Variants in MDGA2 observed in about 807,000 individuals in gnomAD.
MDGA2 encodes the protein MAM domain-containing glycosylphosphatidylinositol anchor protein 2.
Under a neutral mutation model 117.8 loss-of-function variants are expected in MDGA2, and 40 were observed. That is an observed-to-expected ratio of 0.34 (90% CI 0.26 to 0.44). The LOEUF is 0.44. Ranked by LOEUF, MDGA2 falls within the 20% of genes least tolerant of loss-of-function variation. MDGA2 has a pLI of 1.00. For synonymous variants in MDGA2, 452 were observed against 439.0 expected, an observed-to-expected ratio of 1.03 and a Z score of -0.37; for missense variants, 1,123 against 1,250.6, an observed-to-expected ratio of 0.90 and a Z score of 1.54.
chr14:47,480,012 T>C (rs924074888), intron 1 of MDGA2, among the ~76,000 whole-genome samples: 1 of 152,106 alleles, frequency 6.6e-6, no homozygotes, highest in Non-Finnish European at 1.5e-5. Flanking sequence ...TCCTCCAGGT[T>C]CATCCCTTTC....
intron 1 of MDGA2, among the ~76,000 whole-genome samples, chr14:47,591,169 T>C (rs1031332165): frequency 1.4e-4 from 21 of 152,016 alleles, no homozygotes; most frequent in African/African-American, 5.1e-4. Context: ...TGCTCATCCT[T>C]ACGGCAAAAG....
At chr14:47,277,953 C>A (rs1159603851) in intron 2 of MDGA2, among the ~76,000 whole-genome samples, 1 of 151,662 alleles carries the variant, frequency 6.6e-6, no homozygotes, top group Admixed American at 6.6e-5. Context: ...GAAGAGGAAG[C>A]AAAAAACAGG....
intron 10 of MDGA2, among the ~76,000 whole-genome samples, chr14:46,918,979 G>A (rs578049945): frequency 6.6e-6 from 1 of 151,944 alleles, no homozygotes; most frequent in East Asian, 1.9e-4. Context: ...AGCCAGGATG[G>A]TCTCAATCTC....
chr14:47,395,715 CAT>C (rs1437071523), intron 1 of MDGA2, among the ~76,000 whole-genome samples: 2 of 151,938 alleles, frequency 1.3e-5, no homozygotes, highest in Non-Finnish European at 2.9e-5. Context: ...TCAGACAAAA[CAT>C]ATACATTTAG....
intron 1 of MDGA2, among the ~76,000 whole-genome samples, chr14:47,340,157 T>C (rs1054999916): frequency 5.3e-5 from 8 of 152,068 alleles, no homozygotes; most frequent in Non-Finnish European, 7.4e-5. Flanking sequence ...TTGATAGTCA[T>C]AATTTAGGGG....
At chr14:46,866,144 C>A (rs899240888) in intron 14 of MDGA2, among the ~76,000 whole-genome samples, 1 of 152,060 alleles carries the variant, frequency 6.6e-6, no homozygotes, top group African/African-American at 2.4e-5. Context: ...TCAAACTATA[C>A]TTCAAGGCTA....
chr14:47,295,644 C>G (rs1889039256), intron 2 of MDGA2, among the ~76,000 whole-genome samples: 1 of 152,150 alleles, frequency 6.6e-6, no homozygotes, highest in African/African-American at 2.4e-5. Context: ...TGGCTCACAA[C>G]TGTAATCCTA....
chr14:46,910,115 A>G (rs147275272), intron 10 of MDGA2, among the ~76,000 whole-genome samples: 2,022 of 152,266 alleles, frequency 0.013, 40 homozygotes, highest in African/African-American at 0.046. Flanking sequence ...TGTTCTTAAT[A>G]TATAGAAATG....
At chr14:47,537,129 T>C (rs1566504065) in intron 1 of MDGA2, among the ~76,000 whole-genome samples, 1 of 152,072 alleles carries the variant, frequency 6.6e-6, no homozygotes, top group Non-Finnish European at 1.5e-5. Flanking sequence ...CTGTAGCATC[T>C]AGAAATGGAA....
intron 3 of MDGA2, among the ~76,000 whole-genome samples, chr14:47,203,328 A>G (rs1421060413): frequency 6.6e-6 from 1 of 151,874 alleles, no homozygotes; most frequent in Non-Finnish European, 1.5e-5. Context: ...ATGACATGGG[A>G]GTTGATGACA....
At chr14:47,048,580 G>T (rs547819506) in intron 7 of MDGA2, among the ~76,000 whole-genome samples, 2 of 151,994 alleles carry the variant, frequency 1.3e-5, no homozygotes, top group Non-Finnish European at 2.9e-5. Flanking sequence ...ACCACTGATT[G>T]TATACCACTG....
rs553552914 is a variant in MDGA2, at chr14:47,441,113, G to A, written c.281-139563C>T. ...TCTATGGGAGCCAAAAGGTGAGACC[G>A]ATGAACTCTGAGCTGAGTGATCAGG... is the stretch of plus-strand genomic sequence containing the variant. On this transcript the variant is annotated intron_variant, in intron 1 of 16. Coordinates refer to ENST00000399232, the MANE Select transcript of MDGA2 (RefSeq NM_001113498.3). 7.2e-5 allele frequency among the ~76,000 whole-genome samples: 11 copies of A among 152,222 alleles called. No homozygotes were observed. The South Asian group carries it at 2.3e-3, about 32-fold the overall frequency.
chr14:47,273,857 AAAG>A (rs1184680350), intron 2 of MDGA2, among the ~76,000 whole-genome samples: 9 of 152,164 alleles, frequency 5.9e-5, no homozygotes, highest in Admixed American at 5.9e-4. Flanking sequence ...CAATAATAAT[AAAG>A]AAGAATTTGT....
intron 1 of MDGA2, among the ~76,000 whole-genome samples, chr14:47,377,210 G>A (rs1310023918): frequency 4.6e-5 from 7 of 152,142 alleles, no homozygotes; most frequent in African/African-American, 1.7e-4. Flanking sequence ...AAGATTAAAT[G>A]TGATAAAGCT....
intron 15 of MDGA2, among the ~76,000 whole-genome samples, chr14:46,849,728 C>T (rs985605046): frequency 2.6e-5 from 4 of 151,790 alleles, no homozygotes; most frequent in East Asian, 1.9e-4. Flanking sequence ...ATATTTATCT[C>T]GAGAATTAAG....
chr14:47,593,777 T>C (rs1415120308), intron 1 of MDGA2, among the ~76,000 whole-genome samples: 1 of 152,054 alleles, frequency 6.6e-6, no homozygotes, highest in African/African-American at 2.4e-5. Context: ...ATGCAGGCCT[T>C]AATACCTAGG....
At chr14:47,300,547 T>TG (rs1015087821) in intron 2 of MDGA2, among the ~76,000 whole-genome samples, 1 of 152,110 alleles carries the variant, frequency 6.6e-6, no homozygotes, top group African/African-American at 2.4e-5. Context: ...TGGAGTGTGG[T>TG]GGTACAATCA....
At chr14:47,129,456 G>A (rs1401688683) in intron 5 of MDGA2, among the ~76,000 whole-genome samples, 1 of 151,722 alleles carries the variant, frequency 6.6e-6, no homozygotes, top group African/African-American at 2.4e-5. Flanking sequence ...ATTCCATGGT[G>A]TATATGTGCC....
intron 2 of MDGA2, among the ~76,000 whole-genome samples, chr14:47,218,593 G>C (rs150204175): frequency 1.2e-4 from 18 of 151,870 alleles, no homozygotes; most frequent in Non-Finnish European, 2.5e-4. Flanking sequence ...GTCCAAGTAG[G>C]TTCTCATTTT....
Sources: gnomAD v4.1 joint callset for allele counts (sites outside exome capture counted in the v4.1 genomes callset) on GRCh38, gnomAD v4.1.1 for gene constraint, MANE v1.5 for transcripts, NCBI Gene and HGNC (gene_info 2026-07-23, HGNC 2026-07-21) for gene names.